The following SLC16A3 variants were observed in gnomAD, a reference collection of about 807,000 sequenced individuals.
SLC16A3 encodes the protein monocarboxylate transporter 4.
Under a neutral mutation model 25.0 loss-of-function variants are expected in SLC16A3, and 22 were observed. The ratio of observed to expected loss-of-function variants is 0.88; its 90% CI spans 0.63 to 1.26. The LOEUF is 1.26. Among genes scored for constraint, SLC16A3 ranks in the 50% most tolerant of loss-of-function variants. The pLI is 0.00. For synonymous variants in SLC16A3, 390 were observed against 309.2 expected, an observed-to-expected ratio of 1.26 and a Z score of -2.74; for missense variants, 731 against 666.6, an observed-to-expected ratio of 1.10 and a Z score of -1.06.
In SLC16A3 at chr17:82,238,997, G is replaced by A. The variant is rs12280; in HGVS notation, c.*21G>A. ...TCTGAGTGGCTGGGCGGGGCCGGCA[G>A]GCACAGGGAGGAGGTACAGAAGCCG... On this transcript the variant is annotated 3_prime_UTR_variant, in exon 5 of 5. Coordinates refer to ENST00000582743, the MANE Select transcript of SLC16A3 (RefSeq NM_004207.4). 6.6e-7 allele frequency: 1 copy of A among 1,503,832 alleles called. No homozygotes were observed. The highest frequency in any genetic ancestry group is 8.9e-7 in the Non-Finnish European group (1 of 1,123,918). 93.2% of individuals were successfully genotyped at this position (1,503,832 alleles called of 1,614,324 possible).
At chr17:82,223,963 C>A (rs1190052461), upstream of SLC16A3, among the ~76,000 whole-genome samples, 1 of 151,884 alleles carries the variant, frequency 6.6e-6, no homozygotes, top group Non-Finnish European at 1.5e-5. Context: ...TACACCCCAA[C>A]ACCTGTGCAC....
At chr17:82,233,549 C>A (rs7503429) in intron 1 of SLC16A3, 68,753 of 152,102 alleles carry the variant, frequency 0.45, 16,352 homozygotes, top group East Asian at 0.84. Context: ...GGCTTCAAAC[C>A]CTGGGTCTGC....
chr17:82,240,061 C>T lies in SLC16A3; in HGVS notation c.*1085C>T. On this transcript the variant is annotated 3_prime_UTR_variant, in exon 5 of 5. Transcript: ENST00000582743. ...CCGGAGAGATGCCATGTCCCTGCTC[C>T]TCTGCAATGAAAAGCAAGCGAAAAG... 8.1e-6 allele frequency: 10 copies of T among 1,233,796 alleles called. No individual in the cohort carries two copies. Among genetic ancestry groups the T allele is most frequent in the Non-Finnish European group, 1.0e-5 (10 of 987,870 alleles). 76.4% of individuals were successfully genotyped at this position (1,233,796 alleles called of 1,614,324 possible).
At chr17:82,227,307 C>T (rs183142873), upstream of SLC16A3, among the ~76,000 whole-genome samples, 16 of 152,114 alleles carry the variant, frequency 1.1e-4, no homozygotes, top group African/African-American at 3.9e-4. Context: ...CCTGTTGCTG[C>T]TCTACGGTGG....
intron 1 of SLC16A3, among the ~76,000 whole-genome samples, chr17:82,219,811 C>G (rs2050378193): frequency 6.6e-6 from 1 of 152,146 alleles, no homozygotes. Context: ...GCCTTGAGTT[C>G]CAGTCTTGAC....
At chr17:82,223,858 A>G (rs2147107796), upstream of SLC16A3, among the ~76,000 whole-genome samples, 1 of 152,094 alleles carries the variant, frequency 6.6e-6, no homozygotes, top group East Asian at 1.9e-4. Flanking sequence ...ACCCTGTCTC[A>G]GTTCTGTCTC....
intron 4 of SLC16A3, 55 bp downstream of exon 4, chr17:82,237,948 C>T (rs1007451747): frequency 8.3e-5 from 130 of 1,562,388 alleles, no homozygotes; most frequent in Non-Finnish European, 1.1e-4. Flanking sequence ...GTCAGACGCC[C>T]GCTTTGCGAG....
At chr17:82,220,901 G>T (rs1191376558) in intron 1 of SLC16A3, among the ~76,000 whole-genome samples, 2 of 152,216 alleles carry the variant, frequency 1.3e-5, no homozygotes, top group East Asian at 3.9e-4. Context: ...CCAGCTCACG[G>T]CACCCTTTGC....
rs778888046 is a variant in SLC16A3, at chr17:82,236,676, C to T, written c.224-53C>T. ...CCAGGCTGTGAGCTCAGTCGGCTGG[C>T]GGGGGTAGAGCTGGCTGCAGGCCCG... On this transcript the variant is annotated intron_variant, in intron 2 of 4. Coordinates refer to ENST00000582743, the MANE Select transcript of SLC16A3 (RefSeq NM_004207.4). 1.7e-5 allele frequency: 27 copies of T among 1,576,180 alleles called. No individual in the cohort carries two copies. In the East Asian group the frequency reaches 4.5e-4, roughly 26 times the overall value.
chr17:82,238,675 G>C, intron 4 of SLC16A3, 27 bp from the exon 5 acceptor site: 1 of 1,593,488 alleles, frequency 6.3e-7, no homozygotes, highest in Non-Finnish European at 8.6e-7. Context: ...CGCATGAGCG[G>C]CTGGGACTGA....
chr17:82,227,571 G>GGAGCACCACCTGCCCTGGGCGA (rs2050431877), upstream of SLC16A3, among the ~76,000 whole-genome samples: 1 of 143,740 alleles, frequency 7.0e-6, no homozygotes, highest in African/African-American at 2.5e-5. Context: ...CAGGAAGATG[G>GGAGCACCACCTGCCCTGGGCGA]GAGCACCACC....
At chr17:82,218,413 C>T (rs528142386) in intron 1 of SLC16A3, among the ~76,000 whole-genome samples, 23 of 113,086 alleles carry the variant, frequency 2.0e-4, no homozygotes, top group Non-Finnish European at 3.2e-4. Flanking sequence ...AGCCCAGCCT[C>T]GGTCACTGCG....
At position 82,237,686 on chromosome 17, in the gene SLC16A3, G is replaced by A. The variant is rs200404925; in HGVS notation, c.916G>A (p.Gly306Ser). Reference protein sequence around the residue: ...YLFSFSMFFNGLADLAGSTAG... With the variant: ...YLFSFSMFFNSLADLAGSTAG... ...CTTCAGCTTCTCCATGTTCTTCAAC[G>A]GCCTCGCGGACCTGGCGGGTTCTAC... Residue 306 changes from glycine (G) to serine (S), a missense_variant, in exon 4 of 5, where the codon GGC becomes AGC. Transcript: ENST00000582743. 224 of 1,612,808 alleles carry A rather than the reference G, an allele frequency of 1.4e-4. No homozygotes were observed. The highest frequency in any genetic ancestry group is 1.8e-4 in the Non-Finnish European group (207 of 1,179,792).
chr17:82,236,074 G>A lies in SLC16A3; in HGVS notation c.66G>A (p.Trp22Ter), dbSNP rs759588242. The change falls in exon 2 of 5, where the codon TGG becomes TGA. Residue 22 changes from tryptophan to a stop codon, truncating the protein, a stop_gained. Coordinates refer to ENST00000582743, the MANE Select transcript of SLC16A3 (RefSeq NM_004207.4). LOFTEE classifies it high-confidence loss of function. ...AGGCCCCTGACGGCGGCTGGGGCTG[G>A]GCCGTGCTCTTCGGCTGTTTCGTCA... ...GVKAPDGGWG[W>*]AVLFGCFVIT... The A allele has an allele frequency of 1.9e-6, 3 of 1,612,858 alleles. No individual in the cohort carries two copies. Among genetic ancestry groups the A allele is most frequent in the Non-Finnish European group, 2.5e-6 (3 of 1,179,870 alleles).
At position 82,237,267 on chromosome 17, in the gene SLC16A3, T is replaced by G; in HGVS notation, c.497T>G (p.Leu166Arg). The G allele has an allele frequency of 6.4e-7, 1 of 1,564,734 alleles. No individual in the cohort carries two copies. Among genetic ancestry groups the G allele is most frequent in the African/African-American group, 1.4e-5 (1 of 73,758 alleles). ...SPVFLCALSPLGQLLQDRYGW... is the reference protein window; with the variant it reads ...SPVFLCALSPRGQLLQDRYGW... ...GTCTTCCTGTGTGCCCTGAGCCCGC[T>G]GGGGCAGCTGCTGCAGGACCGCTAC... Residue 166 changes from leucine to arginine, a missense_variant, in exon 4 of 5, where the codon CTG becomes CGG. Transcript: ENST00000582743.
At chr17:82,228,712 C>T (rs1193351674), upstream of SLC16A3, among the ~76,000 whole-genome samples, 2 of 151,718 alleles carry the variant, frequency 1.3e-5, no homozygotes, top group East Asian at 3.9e-4. Context: ...CGCTCCGAGG[C>T]GGGGAAACGG....
In SLC16A3 at chr17:82,238,697, C is replaced by A; in HGVS notation, c.1124-5C>A. ...GCGGCTGGGACTGACGGGGTCTTCC[C>A]GCAGGCAAACTCCTGGATGCGACCC... On this transcript the variant is annotated splice_polypyrimidine_tract_variant and splice_region_variant and intron_variant, in intron 4 of 4. Coordinates refer to ENST00000582743, the MANE Select transcript of SLC16A3 (RefSeq NM_004207.4). 2 of 1,605,202 alleles carry A rather than the reference C, an allele frequency of 1.2e-6. No homozygotes were observed. Among genetic ancestry groups the A allele is most frequent in the South Asian group, 1.1e-5 (1 of 90,200 alleles).
At chr17:82,235,687 G>A (rs2050584519) in intron 1 of SLC16A3, 1 of 449,762 alleles carries the variant, frequency 2.2e-6, no homozygotes, top group Admixed American at 3.4e-5. Context: ...CCTGTCGGGG[G>A]CTGCTTGTCC....
At chr17:82,224,085 T>C (rs1337123863), upstream of SLC16A3, among the ~76,000 whole-genome samples, 27 of 135,036 alleles carry the variant, frequency 2.0e-4, no homozygotes, top group Non-Finnish European at 3.6e-4. Flanking sequence ...CACAGACACC[T>C]GTGCAGACAC....
Sources: gnomAD v4.1 joint callset for allele counts (sites outside exome capture counted in the v4.1 genomes callset) on GRCh38, gnomAD v4.1.1 for gene constraint, MANE v1.5 for transcripts, NCBI Gene and HGNC (gene_info 2026-07-23, HGNC 2026-07-21) for gene names.